The following NEB variants were observed in gnomAD, a reference collection of about 807,000 sequenced individuals.
The protein encoded by NEB is nemaline myopathy type 2.
A neutral mutation model predicts 952.2 loss-of-function variants in NEB; 512 were observed. The ratio of observed to expected loss-of-function variants is 0.54; its 90% CI spans 0.50 to 0.58. NEB has a LOEUF of 0.58. NEB is among the 20% of genes least tolerant of loss of function. The probability of loss-of-function intolerance (pLI) is 0.00; values close to 1 mark genes in which losing one functional copy is unlikely to be tolerated. For missense variants in NEB, 8,428 were observed against 9,231.1 expected (o/e 0.91, Z 3.56); for synonymous variants, 2,900 against 3,149.8 (o/e 0.92, Z 2.66).
intron 94 of NEB, 62 bp from the exon 95 acceptor site, chr2:151,592,200 A>G (rs1357056287): frequency 6.5e-7 from 1 of 1,545,154 alleles, no homozygotes; most frequent in East Asian, 2.4e-5. Context: ...CCACATAAAT[A>G]AAATTATAAA....
chr2:151,727,936 T>C (rs1160872374), intron 4 of NEB, 30 bp from the exon 5 acceptor site: 4 of 1,563,716 alleles, frequency 2.6e-6, no homozygotes, highest in South Asian at 2.2e-5. Flanking sequence ...TTCAACATTG[T>C]TGTGAAAGTA....
chr2:151,689,006 G>C (rs1168180336), intron 24 of NEB, among the ~76,000 whole-genome samples: 1 of 152,058 alleles, frequency 6.6e-6, no homozygotes, highest in African/African-American at 2.4e-5. Context: ...CGTGGATAAG[G>C]GGGATTGCTG....
At position 151,671,137 on chromosome 2, in the gene NEB, G is replaced by C; in HGVS notation, c.4392C>G (p.Gly1464=). The C allele has an allele frequency of 6.2e-7, 1 of 1,613,852 alleles. No homozygotes were observed. Among genetic ancestry groups the C allele is most frequent in the Non-Finnish European group, 8.5e-7 (1 of 1,179,794 alleles). ...GATACTTCCTCTCATTTAATGCATC[G>C]CCTGCTTTCTTGACCTTCTCCACCT... ...SLEVEKVKKA[G]DALNERKYRQ... The change falls in exon 38 of 182, where the codon GGC becomes GGG. Residue 1464 remains glycine, a synonymous_variant. Transcript: ENST00000397345.
chr2:151,506,148 C>T lies in NEB; in HGVS notation c.23649+18G>A, dbSNP rs2068703125. The stretch of plus-strand genomic sequence containing the variant: ...AGGGAGGCAGAAAATATTGCAAGTG[C>T]ATTCACTGTGTCTTTACCGAGCTAA... On this transcript the variant is annotated intron_variant, in intron 164 of 181. Coordinates refer to ENST00000397345, the MANE Select transcript of NEB (RefSeq NM_001164508.2). 1.3e-6 allele frequency: 2 copies of T among 1,576,318 alleles called. No homozygotes were observed. Among genetic ancestry groups the T allele is most frequent in the East Asian group, 2.2e-5 (1 of 44,666 alleles).
At chr2:151,517,521 A>C (rs2078513840) in intron 156 of NEB, among the ~76,000 whole-genome samples, 1 of 152,202 alleles carries the variant, frequency 6.6e-6, no homozygotes, top group South Asian at 2.1e-4. Flanking sequence ...ATAGTCATGA[A>C]TTGCTTAACA....
At chr2:151,514,485 A>G (rs2076500921) in intron 158 of NEB, 57 bp from the exon 159 acceptor site, 4 of 1,318,102 alleles carry the variant, frequency 3.0e-6, no homozygotes, top group Admixed American at 1.7e-5. Flanking sequence ...TGATTCTCTC[A>G]GGCAAAGAAG....
Position 151,503,335 on chromosome 2 carries a change from A to C in NEB, c.23835+14T>G, listed in dbSNP as rs754114947. The C allele has an allele frequency of 3.2e-6, 5 of 1,555,824 alleles. No individual in the cohort carries two copies. In the South Asian group the frequency reaches 5.6e-5, roughly 18 times the overall value. On this transcript the variant is annotated intron_variant, in intron 166 of 181. Transcript: ENST00000397345. ...TATGGGAAATAGTTTCTTATATGAT[A>C]TATTTGTAAATACCGAGCTAAAGTT...
At chr2:151,617,503 G>GACAC in intron 74 of NEB, 35 bp from the exon 75 acceptor site, 1 of 1,227,388 alleles carries the variant, frequency 8.1e-7, no homozygotes. Context: ...GAGAGAGAGA[G>GACAC]AAAAATTATT....
Position 151,527,041 on chromosome 2 carries a change from A to G in NEB, c.21841-19T>C, listed in dbSNP as rs763501109. 4.6e-6 allele frequency: 7 copies of G among 1,523,836 alleles called. No individual in the cohort carries two copies. The highest frequency in any genetic ancestry group is 6.3e-6 in the Non-Finnish European group (7 of 1,112,878). The allele number at this position is 1,523,836 out of a possible 1,614,324, so 94.4% of individuals were successfully genotyped here. On this transcript the variant is annotated intron_variant, in intron 147 of 181. Coordinates refer to ENST00000397345, the MANE Select transcript of NEB (RefSeq NM_001164508.2). ...ATTCAAACTGTGATAGAAGAAAGGCAGAAGAAAAGGGAAGGGTGACAGCAC... is the reference window on the plus strand; with the variant it reads ...ATTCAAACTGTGATAGAAGAAAGGCGGAAGAAAAGGGAAGGGTGACAGCAC...
chr2:151,496,437 G>C, intron 172 of NEB, 69 bp from the exon 173 acceptor site: 1 of 1,520,406 alleles, frequency 6.6e-7, no homozygotes. Flanking sequence ...GGTTTTAAGG[G>C]TAAGGTCAAC....
At chr2:151,645,704 A>G (rs985919197) in intron 55 of NEB, among the ~76,000 whole-genome samples, 8 of 152,220 alleles carry the variant, frequency 5.3e-5, no homozygotes, top group African/African-American at 1.9e-4. Context: ...TTATGCTGCA[A>G]TGATAATGAC....
intron 47 of NEB, 115 bp from the exon 48 acceptor site, chr2:151,658,205 C>T (rs952537382): frequency 9.5e-5 from 65 of 687,064 alleles, no homozygotes; most frequent in Admixed American, 7.7e-4. Flanking sequence ...CAGAATGCTT[C>T]GTTGGTGCTT....
chr2:151,606,829 G>A lies in NEB; in HGVS notation c.12640-116C>T, dbSNP rs374831599. 2,729 of 330,790 alleles carry A rather than the reference G, an allele frequency of 8.2e-3. 749 individuals are homozygous for A. The East Asian group carries it at 0.084, about 10-fold the overall frequency. 20.5% of individuals were successfully genotyped at this position (330,790 alleles called of 1,614,324 possible). ...GTAATGTAGTCAATATAAGAAAAAA[G>A]CATTCATTTCTGGGTTCTTTTCGTT... is the stretch of plus-strand genomic sequence containing the variant. On this transcript the variant is annotated intron_variant, in intron 83 of 181. Coordinates refer to ENST00000397345, the MANE Select transcript of NEB (RefSeq NM_001164508.2).
At chr2:151,652,358 T>G (rs2099040287) in intron 52 of NEB, among the ~76,000 whole-genome samples, 3 of 152,136 alleles carry the variant, frequency 2.0e-5, no homozygotes, top group African/African-American at 7.2e-5. Flanking sequence ...CCCAAGTAGC[T>G]GAGACTCCAG....
intron 6 of NEB, among the ~76,000 whole-genome samples, 181 bp downstream of exon 6, chr2:151,725,272 G>A (rs552515107): frequency 6.6e-6 from 1 of 152,284 alleles, no homozygotes; most frequent in East Asian, 1.9e-4. Context: ...CAAGCTTTTA[G>A]AAGTTTCTTT....
rs768693028 is a variant in NEB, at chr2:151,527,001, C to T, written c.21862G>A (p.Glu7288Lys). The T allele has an allele frequency of 8.8e-6, 14 of 1,599,222 alleles. No individual in the cohort carries two copies. Among genetic ancestry groups the T allele is most frequent in the Non-Finnish European group, 1.1e-5 (13 of 1,171,534 alleles). ...QSDFEYKLDR[E>K]FLKGCKLSVT... ...GAAAGCTTGCAACCCTTGAGGAACT[C>T]CCGGTCCAGCTTATATTCAAACTGT... The change falls in exon 148 of 182, where the codon GAG (glutamate) becomes AAG (lysine). Residue 7288 changes from glutamate to lysine, a missense_variant. Glu to Lys is a moderately conservative substitution (Grantham distance 56). Transcript: ENST00000397345.
Position 151,729,626 on chromosome 2 carries a change from C to T in NEB, c.67G>A (p.Val23Met). 6.2e-7 allele frequency: 1 copy of T among 1,613,368 alleles called. No individual in the cohort carries two copies. Among genetic ancestry groups the T allele is most frequent in the African/African-American group, 1.3e-5 (1 of 75,000 alleles). Reference protein sequence around the residue: ...YYTEEVVYEEVPGETITKIYE... With the variant: ...YYTEEVVYEEMPGETITKIYE... ...GGGCTGGGCCTTACCTCTCCCGGCA[C>T]CTCTTCGTAAACCACTTCTTCTGTG... Residue 23 changes from valine (V) to methionine (M), a missense_variant, in exon 4 of 182, where the codon GTG (valine) becomes ATG (methionine). Coordinates refer to ENST00000397345, the MANE Select transcript of NEB (RefSeq NM_001164508.2).
At chr2:151,670,268 C>T (rs980831878) in intron 38 of NEB, among the ~76,000 whole-genome samples, 1 of 152,182 alleles carries the variant, frequency 6.6e-6, no homozygotes, top group Non-Finnish European at 1.5e-5. Context: ...AGCATTTCCC[C>T]ACCTTCCAAA....
At chr2:151,491,797 A>C in intron 178 of NEB, 22 bp from the exon 179 acceptor site, 1 of 1,539,246 alleles carries the variant, frequency 6.5e-7, no homozygotes, top group Non-Finnish European at 8.8e-7. Flanking sequence ...ACCAGTGATC[A>C]GAACAAGTGT....
Sources: gnomAD v4.1 joint callset for allele counts (sites outside exome capture counted in the v4.1 genomes callset) on GRCh38, gnomAD v4.1.1 for gene constraint, MANE v1.5 for transcripts, NCBI Gene and HGNC (gene_info 2026-07-23, HGNC 2026-07-21) for gene names.